The following CDYL2 variants were observed in gnomAD, a reference collection of about 807,000 sequenced individuals.
CDYL2 encodes chromodomain Y-like protein 2.
In CDYL2, 23 loss-of-function variants were observed where a neutral mutation model predicts 49.4. That is an observed-to-expected ratio of 0.47 (90% CI 0.34 to 0.66). The LOEUF (loss-of-function observed/expected upper bound fraction) is 0.66, where lower values mean the gene tolerates loss of function less well. Among genes scored for constraint, CDYL2 ranks in the 30% least tolerant of loss-of-function variants. The pLI, the probability that CDYL2 is intolerant of heterozygous loss-of-function variation, is 0.01. For synonymous variants in CDYL2, 360 were observed against 268.8 expected, an observed-to-expected ratio of 1.34 and a Z score of -3.32; for missense variants, 678 against 656.4, an observed-to-expected ratio of 1.03 and a Z score of -0.36.
In CDYL2 at chr16:80,607,660, G is replaced by A. The variant is rs188761350; in HGVS notation, c.1362+432C>T. Among the ~76,000 whole-genome samples the A allele has an allele frequency of 2.8e-3, 433 of 152,332 alleles. 2 individuals are homozygous for A. The highest frequency in any genetic ancestry group is 9.4e-3 in the African/African-American group (392 of 41,574). ...TCAAACAGTGACATTTAAATGTGAC[G>A]AGCAGTCGGTGGAGAAAACAAATGA... On this transcript the variant is annotated intron_variant, in intron 6 of 6. Transcript: ENST00000570137.
Position 80,762,390 on chromosome 16 carries a change from G to A in CDYL2, c.24+41760C>T, listed in dbSNP as rs138041332. On this transcript the variant is annotated intron_variant, in intron 1 of 6. Coordinates refer to ENST00000570137, the MANE Select transcript of CDYL2 (RefSeq NM_152342.4). ...AGGCTTCAACGGGAGCAAACCAAAC[G>A]TGGAAAGAGCAGAATATGACTACAG... Among the ~76,000 whole-genome samples the A allele has an allele frequency of 5.7e-4, 87 of 152,218 alleles. No homozygotes were observed. The Middle Eastern group carries it at 0.01, about 18-fold the overall frequency.
intron 2 of CDYL2, among the ~76,000 whole-genome samples, chr16:80,672,352 C>CACACACACACACACACAGAG (rs68130206): frequency 3.4e-5 from 4 of 117,846 alleles, no homozygotes; most frequent in Non-Finnish European, 7.0e-5. Context: ...CACACACACA[C>CACACACACACACACACAGAG]AGAGAGAGAG....
At chr16:80,640,824 ACT>A (rs1908051137) in intron 2 of CDYL2, among the ~76,000 whole-genome samples, 1 of 152,218 alleles carries the variant, frequency 6.6e-6, no homozygotes, top group Non-Finnish European at 1.5e-5. Context: ...AATGCAGCAG[ACT>A]CTGAATAGCA....
At chr16:80,620,444 C>T (rs1053095405) in intron 4 of CDYL2, among the ~76,000 whole-genome samples, 1 of 152,192 alleles carries the variant, frequency 6.6e-6, no homozygotes, top group Non-Finnish European at 1.5e-5. Context: ...CACTACCAGA[C>T]TCAGGCCTTG....
intron 1 of CDYL2, among the ~76,000 whole-genome samples, chr16:80,764,790 G>C (rs918740425): frequency 1.3e-5 from 2 of 152,078 alleles, no homozygotes; most frequent in Non-Finnish European, 2.9e-5. Flanking sequence ...GCTAGGCGCG[G>C]TGGCTCAAGC....
intron 1 of CDYL2, among the ~76,000 whole-genome samples, chr16:80,709,290 G>A (rs1422261731): frequency 6.6e-6 from 1 of 151,070 alleles, no homozygotes. Context: ...ACTGAGGCAA[G>A]AGAATCACTT....
intron 2 of CDYL2, among the ~76,000 whole-genome samples, chr16:80,670,407 T>C (rs1052624013): frequency 1.3e-5 from 2 of 152,180 alleles, no homozygotes; most frequent in African/African-American, 4.8e-5. Flanking sequence ...TGCCACCACA[T>C]GAAGGATGTG....
At chr16:80,781,122 G>A (rs16954005) in intron 1 of CDYL2, among the ~76,000 whole-genome samples, 1,828 of 152,204 alleles carry the variant, frequency 0.012, 32 homozygotes, top group African/African-American at 0.041. Flanking sequence ...GGCTAAAAGT[G>A]GCAGAGTGAA....
chr16:80,774,136 C>G (rs1259751447), intron 1 of CDYL2, among the ~76,000 whole-genome samples: 1 of 151,886 alleles, frequency 6.6e-6, no homozygotes, highest in African/African-American at 2.4e-5. Flanking sequence ...GAAAAATACA[C>G]AAGGAAAATA....
At position 80,600,215 on chromosome 16, in the gene CDYL2, C is replaced by T. The variant is rs1906020715; in HGVS notation, c.*4173G>A. On this transcript the variant is annotated 3_prime_UTR_variant, in exon 7 of 7. Coordinates refer to ENST00000570137, the MANE Select transcript of CDYL2 (RefSeq NM_152342.4). ...TACTTCGAAAAAAGATTAACCTGCT[C>T]TCCAACAATATAAGAGCATTATATT... The T allele has an allele frequency of 6.6e-6, 1 of 151,068 alleles. No homozygotes were observed. The highest frequency in any genetic ancestry group is 2.5e-5 in the African/African-American group (1 of 40,764). 9.4% of individuals were successfully genotyped at this position (151,068 alleles called of 1,614,324 possible). A position where few individuals can be genotyped will look rare whatever the true frequency, so the allele number is the denominator to read the frequency against.
intron 2 of CDYL2, among the ~76,000 whole-genome samples, chr16:80,670,299 T>C (rs1909446979): frequency 6.6e-6 from 1 of 152,018 alleles, no homozygotes; most frequent in Non-Finnish European, 1.5e-5. Context: ...CGGGGGGCGG[T>C]TACCCTCATG....
intron 1 of CDYL2, among the ~76,000 whole-genome samples, chr16:80,770,964 G>T (rs1906885581): frequency 6.6e-6 from 1 of 152,178 alleles, no homozygotes; most frequent in African/African-American, 2.4e-5. Context: ...AGAGTCAGCT[G>T]ACAAAAGTTG....
chr16:80,723,382 G>C (rs1156788771), intron 1 of CDYL2, among the ~76,000 whole-genome samples: 1 of 152,208 alleles, frequency 6.6e-6, no homozygotes, highest in East Asian at 1.9e-4. Context: ...TCAATTTACA[G>C]TTTGCATTCT....
intron 1 of CDYL2, among the ~76,000 whole-genome samples, chr16:80,693,705 A>G (rs1360831624): frequency 6.6e-6 from 1 of 152,228 alleles, no homozygotes. Flanking sequence ...CGGCTACACA[A>G]GGGAATCTTT....
At chr16:80,750,137 T>A (rs1227379570) in intron 1 of CDYL2, among the ~76,000 whole-genome samples, 1 of 151,906 alleles carries the variant, frequency 6.6e-6, no homozygotes, top group African/African-American at 2.4e-5. Flanking sequence ...CTAATGTAAA[T>A]GACAAGTTAA....
At chr16:80,608,276 T>C in intron 5 of CDYL2, 41 bp from the exon 6 acceptor site, 1 of 1,512,968 alleles carries the variant, frequency 6.6e-7, no homozygotes, top group Non-Finnish European at 8.9e-7. Context: ...GGCCTGGAGG[T>C]CCACCCATGT....
intron 1 of CDYL2, among the ~76,000 whole-genome samples, chr16:80,724,343 G>A (rs940758735): frequency 6.6e-6 from 1 of 152,066 alleles, no homozygotes; most frequent in South Asian, 2.1e-4. Context: ...GGAGGAGGAA[G>A]AAATGGAGTA....
At chr16:80,676,085 C>T (rs1274065243) in intron 2 of CDYL2, among the ~76,000 whole-genome samples, 1 of 152,110 alleles carries the variant, frequency 6.6e-6, no homozygotes, top group Non-Finnish European at 1.5e-5. Flanking sequence ...GGTCAAGTTG[C>T]TCCTGGTTAA....
At chr16:80,675,446 A>G (rs16953809) in intron 2 of CDYL2, among the ~76,000 whole-genome samples, 83,355 of 152,016 alleles carry the variant, frequency 0.55, 23,887 homozygotes, top group Middle Eastern at 0.75. Context: ...GCTAGGCGTT[A>G]CCTGCAGTAA....
Sources: gnomAD v4.1 joint callset for allele counts (sites outside exome capture counted in the v4.1 genomes callset) on GRCh38, gnomAD v4.1.1 for gene constraint, MANE v1.5 for transcripts, NCBI Gene and HGNC (gene_info 2026-07-23, HGNC 2026-07-21) for gene names.